LIPA: variants seen among roughly 807,000 people sequenced by gnomAD.
LIPA encodes lipase A, lysosomal acid type, also known as lysosomal acid lipase/cholesteryl ester hydrolase.
In LIPA, 26 loss-of-function variants were observed where a neutral mutation model predicts 40.6. The observed-to-expected ratio is 0.64, with a 90% CI of 0.47 to 0.89. The LOEUF is 0.89. LIPA is among the 40% of genes least tolerant of loss of function. The pLI, the probability that LIPA is intolerant of heterozygous loss-of-function variation, is 0.00. For synonymous variants in LIPA, 188 were observed against 168.4 expected, an observed-to-expected ratio of 1.12 and a Z score of -0.90; for missense variants, 455 against 479.6, an observed-to-expected ratio of 0.95 and a Z score of 0.48.
chr10:89,272,504 C>T (rs1034456166), intron 1 of LIPA, among the ~76,000 whole-genome samples: 1 of 152,152 alleles, frequency 6.6e-6, no homozygotes, highest in African/African-American at 2.4e-5. Context: ...ATCATAGGGG[C>T]ATTTAGGTTG....
At chr10:89,368,141 C>T (rs1163223664) in intron 2 of LIPA, among the ~76,000 whole-genome samples, 1 of 152,172 alleles carries the variant, frequency 6.6e-6, no homozygotes, top group African/African-American at 2.4e-5. Flanking sequence ...ACTCTCTTGA[C>T]ATTGGGCTGC....
chr10:89,335,810 A>T (rs978518213), intron 1 of LIPA, among the ~76,000 whole-genome samples: 2 of 152,194 alleles, frequency 1.3e-5, no homozygotes, highest in Non-Finnish European at 2.9e-5. Flanking sequence ...AAGTTAACTC[A>T]TGTTTCCATG....
intron 1 of LIPA, among the ~76,000 whole-genome samples, chr10:89,326,708 T>C (rs1437732693): frequency 6.6e-6 from 1 of 152,182 alleles, no homozygotes; most frequent in Non-Finnish European, 1.5e-5. Context: ...ATATCTACTA[T>C]GTGTCCACAA....
At chr10:89,377,339 T>G (rs772841086) in intron 2 of LIPA, among the ~76,000 whole-genome samples, 3 of 152,190 alleles carry the variant, frequency 2.0e-5, no homozygotes, top group Non-Finnish European at 4.4e-5. Context: ...CCCATCACAT[T>G]CTCTGACTAC....
chr10:89,221,119 CT>C (rs920435261), intron 8 of LIPA, among the ~76,000 whole-genome samples: 2 of 152,048 alleles, frequency 1.3e-5, no homozygotes, highest in Non-Finnish European at 2.9e-5. Context: ...GATATATTTG[CT>C]GTGTCGATTA....
chr10:89,397,528 T>C (rs1341885866), intron 2 of LIPA, among the ~76,000 whole-genome samples: 1 of 152,194 alleles, frequency 6.6e-6, no homozygotes, highest in Admixed American at 6.5e-5. Flanking sequence ...CTCTAATGGC[T>C]AGAGGCTTAG....
At chr10:89,286,510 A>C (rs1843342092) in intron 1 of LIPA, among the ~76,000 whole-genome samples, 1 of 152,222 alleles carries the variant, frequency 6.6e-6, no homozygotes, top group Non-Finnish European at 1.5e-5. Context: ...GGCTGGAGCT[A>C]AAGGCATAGT....
chr10:89,300,080 T>C (rs1340552981), intron 1 of LIPA, among the ~76,000 whole-genome samples: 1 of 152,224 alleles, frequency 6.6e-6, no homozygotes, highest in African/African-American at 2.4e-5. Flanking sequence ...GGGATATTAT[T>C]CAGCCATTAA....
chr10:89,379,652 A>G (rs1386363984), intron 2 of LIPA, among the ~76,000 whole-genome samples: 1 of 152,152 alleles, frequency 6.6e-6, no homozygotes, highest in Non-Finnish European at 1.5e-5. Context: ...ACCTGTCTTG[A>G]GAAGAAATTA....
intron 1 of LIPA, among the ~76,000 whole-genome samples, chr10:89,317,942 C>G (rs1444466497): frequency 1.3e-5 from 2 of 152,108 alleles, no homozygotes; most frequent in Admixed American, 1.3e-4. Flanking sequence ...AATTTTCAAC[C>G]CAGAATTTCA....
intron 1 of LIPA, among the ~76,000 whole-genome samples, chr10:89,281,153 T>C (rs947072219): frequency 3.9e-5 from 6 of 152,204 alleles, no homozygotes; most frequent in African/African-American, 1.4e-4. Flanking sequence ...TTAGGCAGGT[T>C]CCTTTTTAGT....
rs72449416 is a variant in LIPA at position 89,359,844 on chromosome 10, AACACACACAC to A, written c.61+52937_61+52946del. ...ACACACACACACACACACACACACA[AACACACACAC>A]ACACAATGATAATGCCAACCCTAAT... On this transcript the variant is annotated intron_variant, in intron 2 of 8. Transcript: ENST00000371837. 3.6e-5 allele frequency among the ~76,000 whole-genome samples: 4 copies of A among 111,346 alleles called. No individual in the cohort carries two copies. In the East Asian group the frequency reaches 1.6e-3, roughly 44 times the overall value. The allele number at this position is 111,346 out of a possible 152,430, so 73.0% of individuals were successfully genotyped here. A position where few individuals can be genotyped will look rare whatever the true frequency, so the allele number is the denominator to read the frequency against.
chr10:89,215,973 C>G lies in LIPA; in HGVS notation c.931G>C (p.Gly311Arg). ...TGAAAATAATTCTTGGCACTGCTTC[C>G]CCAGTCAAAGGCTTGAAACTTTTGG... ...KFQKFQAFDW[G>R]SSAKNYFHYN... The change falls in exon 9 of 10, where the codon GGA (glycine) becomes CGA (arginine). Residue 311 changes from glycine to arginine, a missense_variant. Physicochemically the swap from Gly to Arg is moderately radical, Grantham distance 125 (BLOSUM62 -2). Coordinates refer to ENST00000336233, the MANE Select transcript of LIPA (RefSeq NM_000235.4). 1 of 1,612,530 alleles carries G rather than the reference C, an allele frequency of 6.2e-7. No individual in the cohort carries two copies. Among genetic ancestry groups the G allele is most frequent in the East Asian group, 2.2e-5 (1 of 44,880 alleles).
In LIPA at chr10:89,334,478, C is replaced by CTTTTTTTTTTTTTTTTT. The variant is rs578154457; in HGVS notation, c.-2+8116_-2+8132dup. ...TGTTTTTTCTTCTTTTTCTTTTATT[C>CTTTTTTTTTTTTTTTTT]TTTTTTTTTTTTTTTTTTTTTTTTT... is the stretch of plus-strand genomic sequence containing the variant. On this transcript the variant is annotated intron_variant, in intron 1 of 5. Transcript: ENST00000282673. Among the ~76,000 whole-genome samples, 82 of 25,336 alleles carry CTTTTTTTTTTTTTTTTT rather than the reference C, an allele frequency of 3.2e-3. 11 individuals are homozygous for CTTTTTTTTTTTTTTTTT. The highest frequency in any genetic ancestry group is 4.9e-3 in the Non-Finnish European group (70 of 14,416). The allele number at this position is 25,336 out of a possible 152,430, so 16.6% of individuals were successfully genotyped here.
At chr10:89,247,846 T>TTTTATTTTATTTA (rs1554869398) in intron 1 of LIPA, 197 bp from the exon 2 acceptor site, 119 of 164,326 alleles carry the variant, frequency 7.2e-4, no homozygotes, top group African/African-American at 3.0e-3. Context: ...TTTATTTTTA[T>TTTTATTTTATTTA]TTTATTTATT....
rs949861573 is a variant in LIPA at position 89,317,125 on chromosome 10, G to A, written c.-2+25486C>T. 2.0e-5 allele frequency among the ~76,000 whole-genome samples: 3 copies of A among 152,362 alleles called. 1 individual carries two copies. Among genetic ancestry groups the A allele is most frequent in the South Asian group, 4.1e-4 (2 of 4,828 alleles). The stretch of plus-strand genomic sequence containing the variant: ...GATGGGGAGAAACCAGAGCAGAAAA[G>A]CTGAAAATTCTAAAAAATCAGAGTG... On this transcript the variant is annotated intron_variant, in intron 1 of 5. Transcript: ENST00000282673.
intron 1 of LIPA, chr10:89,332,540 T>C: frequency 6.2e-7 from 1 of 1,613,370 alleles, no homozygotes; most frequent in Admixed American, 1.7e-5. Context: ...TGGAAACCTC[T>C]TCAGCATTTG....
At chr10:89,403,541 G>A (rs745382349) in intron 2 of LIPA, 7 of 1,614,012 alleles carry the variant, frequency 4.3e-6, no homozygotes, top group Non-Finnish European at 5.9e-6. Context: ...TCAATTCTTT[G>A]AAGAAATTGG....
intron 7 of LIPA, 29 bp downstream of exon 7, chr10:89,223,655 A>C (rs1842728923): frequency 6.4e-7 from 1 of 1,573,590 alleles, no homozygotes. Context: ...ATAAAAAAAA[A>C]AATCAAATCT....
Sources: gnomAD v4.1 joint callset for allele counts (sites outside exome capture counted in the v4.1 genomes callset) on GRCh38, gnomAD v4.1.1 for gene constraint, MANE v1.5 for transcripts, NCBI Gene and HGNC (gene_info 2026-07-23, HGNC 2026-07-21) for gene names.